The following CC2D2A variants were observed in gnomAD, a reference collection of about 807,000 sequenced individuals.
CC2D2A encodes the protein coiled-coil and C2 domain containing 2A, also known as coiled-coil and C2 domain-containing protein 2A.
CC2D2A carries 155 observed loss-of-function variants against 212.9 expected under a neutral mutation model. That is an observed-to-expected ratio of 0.73 (90% CI 0.64 to 0.83). The LOEUF (loss-of-function observed/expected upper bound fraction) is 0.83. CC2D2A is among the 40% of genes least tolerant of loss of function. The pLI, the probability that CC2D2A is intolerant of heterozygous loss-of-function variation, is 0.00. For missense variants in CC2D2A, 1,856 were observed against 1,956.2 expected (o/e 0.95, Z 0.97); for synonymous variants, 667 against 686.5 (o/e 0.97, Z 0.44).
At chr4:15,525,435 G>C (rs1319118232) in intron 11 of CC2D2A, among the ~76,000 whole-genome samples, 2 of 152,166 alleles carry the variant, frequency 1.3e-5, no homozygotes, top group Non-Finnish European at 2.9e-5. Context: ...GGTAATCTGG[G>C]TTATAAAACA....
chr4:15,550,948 A>G lies in CC2D2A; in HGVS notation c.2306A>G (p.His769Arg), dbSNP rs1718977304. Residue 769 changes from histidine to arginine, a missense_variant, in exon 18 of 37, where the codon CAT becomes CGT. By Grantham distance (29) the His-to-Arg change is conservative (BLOSUM62 0). Coordinates refer to ENST00000424120, the MANE Select transcript of CC2D2A (RefSeq NM_001378615.1). ...GAAGTGGAGTTTAGCAGTAATCAGC[A>G]TGTGACACTGGACCACGAGGGAGTT... The part of the protein sequence containing the change: ...TEEVEFSSNQ[H>R]VTLDHEGVGS... 6.2e-7 allele frequency: 1 copy of G among 1,604,296 alleles called. No homozygotes were observed. Among genetic ancestry groups the G allele is most frequent in the Admixed American group, 1.7e-5 (1 of 59,918 alleles).
chr4:15,583,630 G>C (rs1720741256), intron 30 of CC2D2A, among the ~76,000 whole-genome samples: 1 of 152,162 alleles, frequency 6.6e-6, no homozygotes, highest in African/African-American at 2.4e-5. Flanking sequence ...CTTAACCAAT[G>C]AGGTGAAAGA....
At chr4:15,563,639 A>G (rs890461026) in intron 24 of CC2D2A, 117 bp downstream of exon 24, 1 of 1,160,822 alleles carries the variant, frequency 8.6e-7, no homozygotes, top group Admixed American at 2.1e-5. Context: ...CAGGGGACTG[A>G]GGGTTCTTGC....
At chr4:15,492,853 G>A (rs909834228) in intron 4 of CC2D2A, 22 of 593,096 alleles carry the variant, frequency 3.7e-5, no homozygotes, top group Admixed American at 3.4e-4. Context: ...ATCGAAGGTG[G>A]AAGAGTGGGT....
intron 16 of CC2D2A, among the ~76,000 whole-genome samples, chr4:15,539,092 G>T (rs1466359912): frequency 6.6e-6 from 1 of 151,968 alleles, no homozygotes; most frequent in Non-Finnish European, 1.5e-5. Context: ...AAATAAATAT[G>T]TTTAAGAAAG....
Position 15,508,048 on chromosome 4 carries a change from C to G in CC2D2A, c.439-2091C>G, listed in dbSNP as rs554047955. ...GGTCAGAGAGAACTTGAGGCTTCTT[C>G]TTCAGTTCAGCATGTCAAAGCACCA... On this transcript the variant is annotated intron_variant, in intron 6 of 36. Coordinates refer to ENST00000424120, the MANE Select transcript of CC2D2A (RefSeq NM_001378615.1). Among the ~76,000 whole-genome samples, 4 of 152,296 alleles carry G rather than the reference C, an allele frequency of 2.6e-5. No homozygotes were observed. The East Asian group carries it at 5.8e-4, about 22-fold the overall frequency.
chr4:15,477,879 T>G (rs533615063), intron 2 of CC2D2A, among the ~76,000 whole-genome samples: 31 of 152,338 alleles, frequency 2.0e-4, no homozygotes, highest in Non-Finnish European at 4.4e-4. Flanking sequence ...GCATGATATT[T>G]CTTTGAAATT....
At chr4:15,547,120 CA>C (rs1718753002) in intron 17 of CC2D2A, among the ~76,000 whole-genome samples, 1 of 152,038 alleles carries the variant, frequency 6.6e-6, no homozygotes, top group Admixed American at 6.5e-5. Flanking sequence ...ATGGGAAAAA[CA>C]AAACTTGTGA....
chr4:15,478,335 T>C (rs960768066), intron 2 of CC2D2A, among the ~76,000 whole-genome samples: 3 of 152,244 alleles, frequency 2.0e-5, no homozygotes. Flanking sequence ...TTGTGATGTC[T>C]GTCCTAGCAG....
At chr4:15,483,400 C>T (rs1359957177) in intron 4 of CC2D2A, among the ~76,000 whole-genome samples, 2 of 152,074 alleles carry the variant, frequency 1.3e-5, no homozygotes, top group African/African-American at 4.8e-5. Flanking sequence ...GTAGAAAACA[C>T]GGAGAGGGTC....
chr4:15,471,628 CAA>C (rs55660009), intron 1 of CC2D2A, among the ~76,000 whole-genome samples: 45 of 122,590 alleles, frequency 3.7e-4, no homozygotes, highest in Non-Finnish European at 4.6e-4. Context: ...ATGTTGCAGA[CAA>C]AAAAAAAAAA....
chr4:15,549,913 G>T (rs960772839), intron 17 of CC2D2A, among the ~76,000 whole-genome samples: 2 of 152,248 alleles, frequency 1.3e-5, no homozygotes, highest in South Asian at 2.1e-4. Flanking sequence ...ACTAGTGGGG[G>T]ACTATTACAT....
At chr4:15,557,278 AG>A (rs1227212568) in intron 20 of CC2D2A, 25 bp from the exon 21 acceptor site, 1 of 1,541,782 alleles carries the variant, frequency 6.5e-7, no homozygotes, top group African/African-American at 1.4e-5. Context: ...TGTCATCTGG[AG>A]TTTTGCATTT....
chr4:15,594,130 A>G (rs1721221147), intron 33 of CC2D2A, among the ~76,000 whole-genome samples: 2 of 152,140 alleles, frequency 1.3e-5, no homozygotes, highest in African/African-American at 4.8e-5. Flanking sequence ...TTCCTCAAAC[A>G]TAACAAAGCA....
chr4:15,502,489 G>C lies in CC2D2A; in HGVS notation c.308G>C (p.Arg103Pro). The C allele has an allele frequency of 6.2e-7, 1 of 1,607,692 alleles. No individual in the cohort carries two copies. The highest frequency in any genetic ancestry group is 8.5e-7 in the Non-Finnish European group (1 of 1,178,214). Residue 103 changes from arginine to proline, a missense_variant, in exon 5 of 37, where the codon CGC (arginine) becomes CCC (proline). Transcript: ENST00000424120. Reference protein sequence around the residue: ...TGFAEFSMRGRMREKLQAARS... With the variant: ...TGFAEFSMRGPMREKLQAARS... Reference sequence around the variant, plus strand: ...TTTGCAGAATTTTCCATGAGGGGACGCATGAGGGAGAAATTGCAAGCAGCG... The same window carrying C: ...TTTGCAGAATTTTCCATGAGGGGACCCATGAGGGAGAAATTGCAAGCAGCG...
chr4:15,563,586 T>C, intron 24 of CC2D2A, 64 bp downstream of exon 24: 1 of 1,510,148 alleles, frequency 6.6e-7, no homozygotes, highest in Non-Finnish European at 9.1e-7. Context: ...AATCGCTCCT[T>C]TACAGCATAC....
At chr4:15,542,857 T>G (rs1718531488) in intron 17 of CC2D2A, among the ~76,000 whole-genome samples, 1 of 152,162 alleles carries the variant, frequency 6.6e-6, no homozygotes, top group Admixed American at 6.5e-5. Context: ...GTTCAGCATT[T>G]TGAATATCAA....
chr4:15,577,986 C>T (rs1000252577), intron 29 of CC2D2A, among the ~76,000 whole-genome samples: 1 of 152,206 alleles, frequency 6.6e-6, no homozygotes, highest in African/African-American at 2.4e-5. Context: ...TAGAGGAACA[C>T]AGATGAATTC....
At chr4:15,475,870 T>C (rs1333057063) in intron 1 of CC2D2A, 45 bp from the exon 2 acceptor site, 2 of 1,407,470 alleles carry the variant, frequency 1.4e-6, no homozygotes, top group Non-Finnish European at 2.0e-6. Context: ...GAAGCAATAT[T>C]TCATTGATTT....
Sources: gnomAD v4.1 joint callset for allele counts (sites outside exome capture counted in the v4.1 genomes callset) on GRCh38, gnomAD v4.1.1 for gene constraint, MANE v1.5 for transcripts, NCBI Gene and HGNC (gene_info 2026-07-23, HGNC 2026-07-21) for gene names.